SNCAIP: variants seen among roughly 807,000 people sequenced by gnomAD.
The protein encoded by SNCAIP is synphilin-1.
A neutral mutation model predicts 86.7 loss-of-function variants in SNCAIP; 43 were observed. The observed-to-expected ratio is 0.50, with a 90% confidence interval of 0.39 to 0.64. SNCAIP has a LOEUF of 0.64. Among genes scored for constraint, SNCAIP ranks in the 30% least tolerant of loss-of-function variants. The probability of loss-of-function intolerance (pLI) is 0.00; values close to 1 mark genes in which losing one functional copy is unlikely to be tolerated. For missense variants in SNCAIP, 981 were observed against 1,103.1 expected, an observed-to-expected ratio of 0.89 and a Z score of 1.57; for synonymous variants, 417 against 427.2, an observed-to-expected ratio of 0.98 and a Z score of 0.29.
chr5:122,354,899 C>G (rs999706866), intron 1 of SNCAIP, among the ~76,000 whole-genome samples: 1 of 152,056 alleles, frequency 6.6e-6, no homozygotes, highest in African/African-American at 2.4e-5. Flanking sequence ...AGTTGTATTT[C>G]TTTTCCTTTA....
intron 1 of SNCAIP, among the ~76,000 whole-genome samples, chr5:122,349,059 C>T (rs191736706): frequency 2.0e-5 from 3 of 152,216 alleles, no homozygotes; most frequent in African/African-American, 7.2e-5. Context: ...TTTTCTGTTA[C>T]CAATTATTCT....
At chr5:122,356,612 C>T (rs186804060) in intron 1 of SNCAIP, among the ~76,000 whole-genome samples, 39 of 152,246 alleles carry the variant, frequency 2.6e-4, no homozygotes, top group Admixed American at 2.2e-3. Context: ...ATTTGAGCAC[C>T]TTCTTTCTCT....
chr5:122,432,900 A>G (rs775990455), intron 6 of SNCAIP, among the ~76,000 whole-genome samples: 1 of 152,160 alleles, frequency 6.6e-6, no homozygotes, highest in African/African-American at 2.4e-5. Context: ...GTTTGTGGCA[A>G]AGAAAATTGC....
At chr5:122,428,985 G>A (rs568374769) in intron 5 of SNCAIP, among the ~76,000 whole-genome samples, 72 of 151,914 alleles carry the variant, frequency 4.7e-4, no homozygotes, top group Non-Finnish European at 8.5e-4. Context: ...TATGTCCTTC[G>A]ATCATAATAG....
chr5:122,323,062 T>A (rs1370458383), intron 1 of SNCAIP, among the ~76,000 whole-genome samples: 1 of 152,172 alleles, frequency 6.6e-6, no homozygotes, highest in Non-Finnish European at 1.5e-5. Flanking sequence ...GTGAAAGGTT[T>A]AAAAGAATTT....
chr5:122,396,009 G>A (rs559543444), intron 2 of SNCAIP, among the ~76,000 whole-genome samples: 8 of 151,702 alleles, frequency 5.3e-5, no homozygotes, highest in Non-Finnish European at 1.2e-4. Flanking sequence ...CCTAGCAGTC[G>A]CCCTGTTCTT....
chr5:122,390,956 A>C, intron 1 of SNCAIP, 133 bp from the exon 2 acceptor site: 1 of 623,084 alleles, frequency 1.6e-6, no homozygotes, highest in East Asian at 2.8e-5. Context: ...CAGTTGAAGG[A>C]AGGAAATGTG....
chr5:122,315,634 G>C (rs751542334), intron 1 of SNCAIP, among the ~76,000 whole-genome samples: 1 of 152,184 alleles, frequency 6.6e-6, no homozygotes, highest in Non-Finnish European at 1.5e-5. Flanking sequence ...AGCCTGCTTA[G>C]CAATAGCCCA....
At chr5:122,407,158 C>T (rs1260320976) in intron 3 of SNCAIP, among the ~76,000 whole-genome samples, 1 of 152,112 alleles carries the variant, frequency 6.6e-6, no homozygotes, top group African/African-American at 2.4e-5. Flanking sequence ...TAAACAAGGT[C>T]ACCACAGATA....
chr5:122,342,284 G>T (rs1424263896), intron 1 of SNCAIP, among the ~76,000 whole-genome samples: 1 of 152,082 alleles, frequency 6.6e-6, no homozygotes, highest in African/African-American at 2.4e-5. Context: ...AGCAGTTTGG[G>T]GAATGGAAGA....
At chr5:122,381,037 T>C (rs984181908) in intron 1 of SNCAIP, among the ~76,000 whole-genome samples, 4 of 149,952 alleles carry the variant, frequency 2.7e-5, no homozygotes, top group Non-Finnish European at 5.9e-5. Context: ...GGTGGAGAGT[T>C]CTGTAGATGT....
At chr5:122,461,484 G>T (rs552393503) in intron 10 of SNCAIP, among the ~76,000 whole-genome samples, 20 of 152,120 alleles carry the variant, frequency 1.3e-4, no homozygotes, top group Non-Finnish European at 2.2e-4. Flanking sequence ...ACACTGGACT[G>T]ATCCTCAGAT....
chr5:122,378,221 T>C (rs1211698968), intron 1 of SNCAIP, among the ~76,000 whole-genome samples: 1 of 146,166 alleles, frequency 6.8e-6, no homozygotes, highest in African/African-American at 2.6e-5. Context: ...GACAATTTAA[T>C]GATCGCCATT....
intron 1 of SNCAIP, among the ~76,000 whole-genome samples, chr5:122,366,573 T>C (rs1320014957): frequency 1.3e-5 from 2 of 152,192 alleles, no homozygotes; most frequent in Non-Finnish European, 1.5e-5. Context: ...GTTGGATGGC[T>C]TGGTGTGGTC....
At chr5:122,428,570 T>TG (rs1777790684) in intron 5 of SNCAIP, among the ~76,000 whole-genome samples, 1 of 149,156 alleles carries the variant, frequency 6.7e-6, no homozygotes, top group East Asian at 2.0e-4. Flanking sequence ...CTCAATAAGT[T>TG]TTTTTTTTTT....
chr5:122,392,393 TC>T (rs1241906439), intron 2 of SNCAIP, among the ~76,000 whole-genome samples: 1 of 152,106 alleles, frequency 6.6e-6, no homozygotes, highest in Non-Finnish European at 1.5e-5. Flanking sequence ...TGTCTGTCTG[TC>T]TGCCACTCTC....
chr5:122,367,474 G>A (rs1019986107), intron 1 of SNCAIP, among the ~76,000 whole-genome samples: 19 of 152,266 alleles, frequency 1.2e-4, no homozygotes, highest in African/African-American at 4.6e-4. Flanking sequence ...AAGTTGGGAT[G>A]GGTTTCATTT....
intron 6 of SNCAIP, among the ~76,000 whole-genome samples, chr5:122,437,751 T>C (rs1427954832): frequency 6.6e-6 from 1 of 152,222 alleles, no homozygotes; most frequent in Non-Finnish European, 1.5e-5. Flanking sequence ...TGTAACAATA[T>C]AGGTTGAACC....
chr5:122,432,763 A>C (rs1778663273), intron 6 of SNCAIP, among the ~76,000 whole-genome samples: 1 of 149,294 alleles, frequency 6.7e-6, no homozygotes, highest in Non-Finnish European at 1.5e-5. Flanking sequence ...TTTGCAGTTA[A>C]AAAAAAAAAT....
Sources: allele counts gnomAD v4.1 joint callset (sites outside exome capture counted in the v4.1 genomes callset), GRCh38; gene constraint gnomAD v4.1.1; transcripts MANE v1.5; gene names NCBI Gene and HGNC (gene_info 2026-07-23, HGNC 2026-07-21).